DHX15: variants seen among roughly 807,000 people sequenced by gnomAD.
DHX15 encodes the protein DEAH-box helicase 15.
Under a neutral mutation model 94.4 loss-of-function variants are expected in DHX15, and 11 were observed. The ratio of observed to expected loss-of-function variants is 0.12; its 90% CI spans 0.07 to 0.19. The LOEUF is 0.19. DHX15 is among the 10% of genes least tolerant of loss of function. The pLI, the probability that DHX15 is intolerant of heterozygous loss-of-function variation, is 1.00. For synonymous variants in DHX15, 338 were observed against 329.9 expected (o/e 1.02, Z -0.27); for missense variants, 304 against 988.5 (o/e 0.31, Z 9.29).
intron 2 of DHX15, among the ~76,000 whole-genome samples, chr4:24,575,468 C>G (rs963841548): frequency 6.6e-6 from 1 of 152,142 alleles, no homozygotes; most frequent in Non-Finnish European, 1.5e-5. Flanking sequence ...CAAGAAAATG[C>G]AAATTAAAAA....
Position 24,541,868 on chromosome 4 carries a change from C to A in DHX15, c.1485+5G>T. ...ATATCGGCAGGAAACGACAATACCC[C>A]ATACCTGCATTTCTGTTTTATAAGC... On this transcript the variant is annotated splice_donor_5th_base_variant and intron_variant, in intron 8 of 13. Transcript: ENST00000336812. The A allele has an allele frequency of 6.3e-7, 1 of 1,578,072 alleles. No individual in the cohort carries two copies. The highest frequency in any genetic ancestry group is 1.1e-5 in the South Asian group (1 of 87,332).
chr4:24,582,453 C>A (rs1466305855), intron 1 of DHX15, among the ~76,000 whole-genome samples: 1 of 152,220 alleles, frequency 6.6e-6, no homozygotes, highest in Non-Finnish European at 1.5e-5. Context: ...AAATGGTGCA[C>A]ATATGCACAA....
At chr4:24,544,066 G>A (rs971150563) in intron 6 of DHX15, among the ~76,000 whole-genome samples, 5 of 152,024 alleles carry the variant, frequency 3.3e-5, no homozygotes, top group African/African-American at 9.7e-5. Context: ...AGTCCTTGAC[G>A]GTAAGGTTAA....
At chr4:24,539,930 T>C (rs927514634) in intron 10 of DHX15, 178 bp downstream of exon 10, 1 of 430,422 alleles carries the variant, frequency 2.3e-6, no homozygotes, top group Non-Finnish European at 4.1e-6. Flanking sequence ...CTTACTTTAC[T>C]TTTGTAAGCA....
intron 11 of DHX15, among the ~76,000 whole-genome samples, chr4:24,534,415 T>A (rs1356597254): frequency 6.6e-6 from 1 of 152,132 alleles, no homozygotes; most frequent in Non-Finnish European, 1.5e-5. Flanking sequence ...GATGGAAAAA[T>A]TGCAAATCTA....
intron 6 of DHX15, among the ~76,000 whole-genome samples, chr4:24,547,168 T>C (rs1384786287): frequency 2.6e-5 from 4 of 152,190 alleles, no homozygotes; most frequent in Admixed American, 6.5e-5. Context: ...TAAGATGAAA[T>C]TGACTCAAGG....
intron 6 of DHX15, among the ~76,000 whole-genome samples, chr4:24,547,913 A>C (rs754672924): frequency 1.2e-3 from 38 of 32,130 alleles, no homozygotes; most frequent in African/African-American, 1.5e-3. Flanking sequence ...GTATATATAT[A>C]TATATATATA....
At chr4:24,584,237 C>G in intron 1 of DHX15, 86 bp downstream of exon 1, 2 of 1,368,840 alleles carry the variant, frequency 1.5e-6, no homozygotes, top group East Asian at 2.6e-5. Flanking sequence ...CTCCAGGACC[C>G]GCTCGGCCAG....
At chr4:24,582,313 C>G (rs760468136) in intron 1 of DHX15, among the ~76,000 whole-genome samples, 2 of 152,244 alleles carry the variant, frequency 1.3e-5, no homozygotes, top group Non-Finnish European at 1.5e-5. Flanking sequence ...AAATAATATA[C>G]AAGGGAATCA....
intron 11 of DHX15, 72 bp downstream of exon 11, chr4:24,536,979 G>A: frequency 6.8e-7 from 1 of 1,462,936 alleles, no homozygotes; most frequent in Non-Finnish European, 9.1e-7. Context: ...AAATCAAAGT[G>A]GGACAAAGAA....
chr4:24,571,516 A>G (rs1722123286), intron 2 of DHX15, among the ~76,000 whole-genome samples: 1 of 152,262 alleles, frequency 6.6e-6, no homozygotes, highest in Non-Finnish European at 1.5e-5. Flanking sequence ...CCATGACGGC[A>G]GTACATTTTC....
At chr4:24,553,837 T>C (rs1219551616) in intron 5 of DHX15, among the ~76,000 whole-genome samples, 1 of 152,162 alleles carries the variant, frequency 6.6e-6, no homozygotes. Flanking sequence ...TTTAAAACTT[T>C]GTATTATCCA....
chr4:24,540,742 A>G lies in DHX15; in HGVS notation c.1594+98T>C. ...TGATGCATACTGGATGGAAAAAGCA[A>G]AATGTATTTAATACATATATTAAAT... On this transcript the variant is annotated intron_variant, in intron 9 of 13. Transcript: ENST00000336812. 4.6e-6 allele frequency: 3 copies of G among 651,178 alleles called. No individual in the cohort carries two copies. In the South Asian group the frequency reaches 7.1e-5, roughly 15 times the overall value. The allele number at this position is 651,178 out of a possible 1,614,324, so 40.3% of individuals were successfully genotyped here.
chr4:24,583,471 ATG>A (rs1722514881), intron 1 of DHX15, among the ~76,000 whole-genome samples: 2 of 139,294 alleles, frequency 1.4e-5, no homozygotes, highest in Non-Finnish European at 3.3e-5. Context: ...AAAATAAATG[ATG>A]AAAAAAAAAA....
Position 24,567,577 on chromosome 4 carries a change from C to CAA in DHX15, c.701+3075_701+3076dup, listed in dbSNP as rs1199812637. ...GGGCGACAGAGCAAGACTCCGTCTC[C>CAA]AAAAAAAAAAAAAAAAAGTTACAAC... On this transcript the variant is annotated intron_variant, in intron 3 of 13. Transcript: ENST00000336812. 5.3e-4 allele frequency among the ~76,000 whole-genome samples: 52 copies of CAA among 98,668 alleles called. 1 individual carries two copies. In the South Asian group the frequency reaches 9.8e-3, roughly 19 times the overall value. The allele number at this position is 98,668 out of a possible 152,430, so 64.7% of individuals were successfully genotyped here.
At chr4:24,582,316 G>A (rs1034310060) in intron 1 of DHX15, among the ~76,000 whole-genome samples, 3 of 152,124 alleles carry the variant, frequency 2.0e-5, no homozygotes, top group Non-Finnish European at 2.9e-5. Context: ...TAATATACAA[G>A]GGAATCATAA....
Position 24,540,100 on chromosome 4 carries a change from T to G in DHX15, c.1786+8A>C. 6.6e-7 allele frequency: 1 copy of G among 1,513,000 alleles called. No individual in the cohort carries two copies. The highest frequency in any genetic ancestry group is 8.9e-7 in the Non-Finnish European group (1 of 1,129,214). The allele number at this position is 1,513,000 out of a possible 1,614,324, so 93.7% of individuals were successfully genotyped here. On this transcript the variant is annotated splice_region_variant and intron_variant, in intron 10 of 13. Transcript: ENST00000336812. ...CTGGGCTTTTTTTTGTTCCTTTCCC[T>G]CTATTACCTGACAACATAGCAGTAA...
intron 3 of DHX15, among the ~76,000 whole-genome samples, chr4:24,557,377 C>T (rs1256179148): frequency 6.6e-6 from 1 of 152,152 alleles, no homozygotes; most frequent in African/African-American, 2.4e-5. Context: ...ATTAAAAAAT[C>T]TGAAGCCATC....
rs1722273573 is a variant in DHX15, at chr4:24,576,642, C to T, written c.108G>A (p.Arg36=). ...CACGTTCTCGGTCTCGATCTTTAGA[C>T]CGATCTTCACGATCCCGGTCTCGAT... ...DRDRDRDRED[R]SKDRDRERDR... is the part of the protein sequence containing the mutation. Residue 36 remains arginine, a synonymous_variant, in exon 2 of 14, where the codon CGG becomes CGA. Coordinates refer to ENST00000336812, the MANE Select transcript of DHX15 (RefSeq NM_001358.3). The T allele has an allele frequency of 6.2e-7, 1 of 1,613,606 alleles. No individual in the cohort carries two copies. Among genetic ancestry groups the T allele is most frequent in the Non-Finnish European group, 8.5e-7 (1 of 1,179,684 alleles).
Sources: allele counts gnomAD v4.1 joint callset (sites outside exome capture counted in the v4.1 genomes callset), GRCh38; gene constraint gnomAD v4.1.1; transcripts MANE v1.5; gene names NCBI Gene and HGNC (gene_info 2026-07-23, HGNC 2026-07-21).